Variants in NKAIN3 observed in about 807,000 individuals in gnomAD.
NKAIN3 encodes the protein sodium/potassium-transporting ATPase subunit beta-1-interacting protein 3.
In NKAIN3, 25 loss-of-function variants were observed where a neutral mutation model predicts 30.2. The ratio of observed to expected loss-of-function variants is 0.83; its 90% CI spans 0.60 to 1.16. The LOEUF (loss-of-function observed/expected upper bound fraction) is 1.16. NKAIN3 is among the 50% of genes most tolerant of loss of function. The probability of loss-of-function intolerance (pLI) is 0.00; values close to 1 mark genes in which losing one functional copy is unlikely to be tolerated. For missense variants in NKAIN3, 225 were observed against 254.1 expected (o/e 0.89, Z 0.78); for synonymous variants, 91 against 89.6 (o/e 1.02, Z -0.09).
At chr8:62,531,221 A>G (rs1011457915) in intron 1 of NKAIN3, among the ~76,000 whole-genome samples, 2 of 152,062 alleles carry the variant, frequency 1.3e-5, no homozygotes, top group Non-Finnish European at 2.9e-5. Context: ...CAAAGACCCA[A>G]TGGTACCTCT....
intron 4 of NKAIN3, among the ~76,000 whole-genome samples, chr8:62,852,445 C>G (rs1819939002): frequency 6.6e-6 from 1 of 152,106 alleles, no homozygotes; most frequent in Non-Finnish European, 1.5e-5. Context: ...TTTTCTGTCT[C>G]TATTTCCTTC....
chr8:62,279,861 T>G (rs1175149444), intron 1 of NKAIN3, among the ~76,000 whole-genome samples: 1 of 152,194 alleles, frequency 6.6e-6, no homozygotes, highest in Non-Finnish European at 1.5e-5. Flanking sequence ...ATGTGGGCTC[T>G]TTTTTGGTTC....
At chr8:62,322,750 G>A (rs886834362) in intron 1 of NKAIN3, among the ~76,000 whole-genome samples, 1 of 152,098 alleles carries the variant, frequency 6.6e-6, no homozygotes, top group African/African-American at 2.4e-5. Flanking sequence ...TACAGATGGG[G>A]ACAAAACATT....
At chr8:62,985,422 A>T (rs149183898), downstream of NKAIN3, among the ~76,000 whole-genome samples, 870 of 152,300 alleles carry the variant, frequency 5.7e-3, 9 homozygotes, top group African/African-American at 0.02. Flanking sequence ...GCTGGTCTCC[A>T]TCAGACTCTT....
intron 1 of NKAIN3, among the ~76,000 whole-genome samples, chr8:62,403,416 T>C (rs985203266): frequency 6.6e-6 from 1 of 152,172 alleles, no homozygotes; most frequent in African/African-American, 2.4e-5. Flanking sequence ...TGGCAGCCCC[T>C]TTCATTACAG....
intron 3 of NKAIN3, among the ~76,000 whole-genome samples, chr8:62,721,347 A>C (rs1228515011): frequency 6.6e-6 from 1 of 152,198 alleles, no homozygotes; most frequent in African/African-American, 2.4e-5. Context: ...GAAATTAGAG[A>C]ATGTTAAGCA....
At chr8:62,773,951 A>G (rs576751524) in intron 4 of NKAIN3, among the ~76,000 whole-genome samples, 3 of 152,124 alleles carry the variant, frequency 2.0e-5, no homozygotes, top group Admixed American at 1.3e-4. Flanking sequence ...GAAGAATGTC[A>G]TTGGTATTTT....
chr8:62,589,166 C>T lies in NKAIN3; in HGVS notation c.193-548C>T, dbSNP rs1164021638. On this transcript the variant is annotated intron_variant, in intron 2 of 6. Coordinates refer to ENST00000623646, the MANE Select transcript of NKAIN3 (RefSeq NM_001304533.3). ...TTAATCCTATTTATTAATTTCTCTG[C>T]TTTAAAATATTTTATATGGTTATAT... Among the ~76,000 whole-genome samples the T allele has an allele frequency of 2.0e-5, 3 of 151,694 alleles. No homozygotes were observed. The East Asian group carries it at 5.8e-4, about 29-fold the overall frequency.
At chr8:62,831,693 T>C (rs1360369678) in intron 4 of NKAIN3, among the ~76,000 whole-genome samples, 6 of 152,118 alleles carry the variant, frequency 3.9e-5, no homozygotes, top group African/African-American at 1.4e-4. Flanking sequence ...AAAAAAATTT[T>C]AATGAGCAAG....
At chr8:62,878,062 CAAAG>C (rs980767945) in intron 4 of NKAIN3, among the ~76,000 whole-genome samples, 6 of 142,458 alleles carry the variant, frequency 4.2e-5, no homozygotes, top group East Asian at 2.0e-4. Context: ...AAAAAAGACA[CAAAG>C]AGATCAAATA....
chr8:62,857,126 G>C (rs994079314), intron 4 of NKAIN3: 1 of 374,956 alleles, frequency 2.7e-6, no homozygotes, highest in African/African-American at 2.1e-5. Context: ...TGACCAACTT[G>C]GACCAGAAAT....
intron 3 of NKAIN3, among the ~76,000 whole-genome samples, chr8:62,683,090 G>C (rs933989337): frequency 6.6e-6 from 1 of 152,110 alleles, no homozygotes; most frequent in Non-Finnish European, 1.5e-5. Flanking sequence ...CTGGAGTGCA[G>C]TGGAACGATC....
At chr8:62,557,595 C>A (rs1809446312) in intron 1 of NKAIN3, among the ~76,000 whole-genome samples, 2 of 152,054 alleles carry the variant, frequency 1.3e-5, no homozygotes, top group African/African-American at 4.8e-5. Flanking sequence ...TTGATTATGG[C>A]CATTCTAGCA....
intron 1 of NKAIN3, among the ~76,000 whole-genome samples, chr8:62,562,667 C>T (rs1395835897): frequency 6.6e-6 from 1 of 152,054 alleles, no homozygotes; most frequent in Non-Finnish European, 1.5e-5. Flanking sequence ...CTGTGTGTTA[C>T]TTAAGCGTTT....
chr8:62,666,454 T>G (rs1813104223), intron 3 of NKAIN3, among the ~76,000 whole-genome samples: 1 of 152,254 alleles, frequency 6.6e-6, no homozygotes, highest in South Asian at 2.1e-4. Flanking sequence ...CCAAAAAAAG[T>G]ATGAAAAAGC....
intron 1 of NKAIN3, among the ~76,000 whole-genome samples, chr8:62,531,145 A>G (rs1398240551): frequency 6.6e-6 from 1 of 152,186 alleles, no homozygotes; most frequent in Non-Finnish European, 1.5e-5. Context: ...GCTTAAGCTT[A>G]AAAACCATGT....
intron 1 of NKAIN3, among the ~76,000 whole-genome samples, chr8:62,577,401 A>G (rs60205865): frequency 6.6e-5 from 10 of 151,818 alleles, no homozygotes; most frequent in African/African-American, 2.2e-4. Flanking sequence ...TTTCTCTTTG[A>G]AAGTTCACCT....
chr8:62,319,061 G>C (rs1432466537), intron 1 of NKAIN3, among the ~76,000 whole-genome samples: 1 of 152,102 alleles, frequency 6.6e-6, no homozygotes, highest in Admixed American at 6.5e-5. Context: ...TTTAGTCTTG[G>C]GAGGGTGTAT....
At chr8:62,443,311 A>G (rs1011650200) in intron 1 of NKAIN3, among the ~76,000 whole-genome samples, 1 of 152,018 alleles carries the variant, frequency 6.6e-6, no homozygotes, top group Admixed American at 6.6e-5. Flanking sequence ...CTTTCGTAGT[A>G]TTATATATTG....
Sources: allele counts gnomAD v4.1 joint callset (sites outside exome capture counted in the v4.1 genomes callset), GRCh38; gene constraint gnomAD v4.1.1; transcripts MANE v1.5; gene names NCBI Gene and HGNC (gene_info 2026-07-23, HGNC 2026-07-21).